ODR4: variants seen among roughly 807,000 people sequenced by gnomAD.
ODR4 encodes the protein odr-4 GPCR localization factor homolog.
A neutral mutation model predicts 60.2 loss-of-function variants in ODR4; 47 were observed. The ratio of observed to expected loss-of-function variants is 0.78; its 90% CI spans 0.62 to 1.00. The LOEUF (loss-of-function observed/expected upper bound fraction) is 1.00. ODR4 is among the 50% of genes least tolerant of loss of function. The pLI, the probability that ODR4 is intolerant of heterozygous loss-of-function variation, is 0.00. For missense variants in ODR4, 488 were observed against 530.8 expected (o/e 0.92, Z 0.79); for synonymous variants, 178 against 175.5 (o/e 1.01, Z -0.11).
intron 3 of ODR4, among the ~76,000 whole-genome samples, chr1:186,383,416 A>G (rs147426935): frequency 5.0e-4 from 76 of 152,284 alleles, no homozygotes; most frequent in African/African-American, 1.7e-3. Context: ...CATCAAATAA[A>G]TAATGTTAGA....
chr1:186,407,732 G>A (rs1039849221), intron 12 of ODR4, among the ~76,000 whole-genome samples: 5 of 152,050 alleles, frequency 3.3e-5, no homozygotes, highest in African/African-American at 1.2e-4. Context: ...ACATTTCAAA[G>A]CCATATATTC....
rs552599095 is a variant in ODR4 at position 186,401,279 on chromosome 1, C to G, written c.1000+2235C>G. ...ATACATTTAGAAGTTAATGTTAAAG[C>G]CTAATCCTAAATTTTTAAAAGGTGA... On this transcript the variant is annotated intron_variant, in intron 11 of 13. Coordinates refer to ENST00000287859, the MANE Select transcript of ODR4 (RefSeq NM_017847.6). 14 of 1,154,072 alleles carry G rather than the reference C, an allele frequency of 1.2e-5. No individual in the cohort carries two copies. In the Admixed American group the frequency reaches 2.9e-4, roughly 24 times the overall value. The allele number at this position is 1,154,072 out of a possible 1,614,324, so 71.5% of individuals were successfully genotyped here.
chr1:186,416,759 G>A (rs1414996940), intron 12 of ODR4, among the ~76,000 whole-genome samples: 1 of 150,446 alleles, frequency 6.6e-6, no homozygotes, highest in East Asian at 2.0e-4. Context: ...AGGAGGTTGA[G>A]GCAGGAGAAT....
the ODR4 span, among the ~76,000 whole-genome samples, chr1:186,429,695 G>A: frequency 6.6e-6 from 1 of 151,046 alleles, no homozygotes; most frequent in Non-Finnish European, 1.5e-5. Context: ...CACCAACATA[G>A]CTAGGAATAA....
chr1:186,404,124 T>C (rs1311355894), intron 11 of ODR4, among the ~76,000 whole-genome samples: 1 of 152,200 alleles, frequency 6.6e-6, no homozygotes, highest in Non-Finnish European at 1.5e-5. Context: ...TCTTATTATA[T>C]TGGCTTAATT....
At chr1:186,389,373 A>G (rs1343025446) in intron 5 of ODR4, among the ~76,000 whole-genome samples, 1 of 152,188 alleles carries the variant, frequency 6.6e-6, no homozygotes, top group Non-Finnish European at 1.5e-5. Flanking sequence ...CAAGCACCGC[A>G]AGTACTATAG....
At position 186,420,867 on chromosome 1, in the gene ODR4, A is replaced by G. The variant is rs1661748297; in HGVS notation, c.*1791A>G. On this transcript the variant is annotated 3_prime_UTR_variant, in exon 14 of 14. Coordinates refer to ENST00000287859, the MANE Select transcript of ODR4 (RefSeq NM_017847.6). ...TAACACAATTTTACAAATTTGTTGGAAAAACATGAATTCATAAATTCAGGA... is the reference window on the plus strand; with the variant it reads ...TAACACAATTTTACAAATTTGTTGGGAAAACATGAATTCATAAATTCAGGA... 1 of 152,202 alleles carries G rather than the reference A, an allele frequency of 6.6e-6. No homozygotes were observed. Among genetic ancestry groups the G allele is most frequent in the African/African-American group, 2.4e-5 (1 of 41,450 alleles). 9.4% of individuals were successfully genotyped at this position (152,202 alleles called of 1,614,324 possible).
intron 2 of ODR4, among the ~76,000 whole-genome samples, chr1:186,381,460 T>C (rs1660023320): frequency 6.6e-6 from 1 of 152,102 alleles, no homozygotes; most frequent in Non-Finnish European, 1.5e-5. Context: ...CCCGAGTAGC[T>C]GGGACTACAG....
chr1:186,433,136 T>C, the ODR4 span, among the ~76,000 whole-genome samples: 70 of 152,284 alleles, frequency 4.6e-4, no homozygotes, highest in African/African-American at 1.6e-3. Context: ...GAATTCTATC[T>C]ATAAAATTTA....
chr1:186,400,769 A>C, intron 11 of ODR4: 1 of 306,354 alleles, frequency 3.3e-6, no homozygotes, highest in South Asian at 3.7e-5. Flanking sequence ...TCCTTCTCGT[A>C]ATTCACAACC....
At chr1:186,423,174 G>A (rs960467718), downstream of ODR4, among the ~76,000 whole-genome samples, 1 of 151,934 alleles carries the variant, frequency 6.6e-6, no homozygotes, top group Non-Finnish European at 1.5e-5. Flanking sequence ...TTTCAAGGGG[G>A]GTAAAATTCT....
At chr1:186,392,782 C>A (rs1050226819) in intron 8 of ODR4, among the ~76,000 whole-genome samples, 1 of 152,126 alleles carries the variant, frequency 6.6e-6, no homozygotes, top group African/African-American at 2.4e-5. Context: ...GTGGGCAGAT[C>A]ACTTGAGGTC....
intron 1 of ODR4, among the ~76,000 whole-genome samples, chr1:186,379,538 A>C (rs1160990556): frequency 6.6e-6 from 1 of 151,440 alleles, no homozygotes; most frequent in Non-Finnish European, 1.5e-5. Context: ...TTGATCTCTC[A>C]TGTCAACTCT....
chr1:186,434,925 G>A, the ODR4 span, among the ~76,000 whole-genome samples: 6 of 152,154 alleles, frequency 3.9e-5, no homozygotes, highest in Non-Finnish European at 8.8e-5. Context: ...TTTTGATATA[G>A]CATGTTTAAT....
chr1:186,381,112 G>A lies in ODR4; in HGVS notation c.99+1228G>A, dbSNP rs1571658075. 6.6e-5 allele frequency among the ~76,000 whole-genome samples: 10 copies of A among 152,256 alleles called. 1 individual carries two copies. In the South Asian group the frequency reaches 2.1e-3, roughly 32 times the overall value. ...CTTTTTAATTCAGTTGTAATGTGGG[G>A]CTCTTTTTGTTAGGAGTTTTCTATT... On this transcript the variant is annotated intron_variant, in intron 2 of 13. Coordinates refer to ENST00000287859, the MANE Select transcript of ODR4 (RefSeq NM_017847.6).
At chr1:186,415,772 A>C (rs1036064884) in intron 12 of ODR4, among the ~76,000 whole-genome samples, 1 of 152,246 alleles carries the variant, frequency 6.6e-6, no homozygotes, top group Non-Finnish European at 1.5e-5. Context: ...TTCATTCAGC[A>C]TTAAATAAAT....
intron 11 of ODR4, among the ~76,000 whole-genome samples, chr1:186,402,187 A>ATTCTTTCTTTCTCT: frequency 7.4e-6 from 1 of 135,528 alleles, no homozygotes; most frequent in African/African-American, 2.8e-5. Context: ...TAGGCATCCT[A>ATTCTTTCTTTCTCT]TTCTTTCTTT....
At chr1:186,396,720 TATAGATAGATAGATAG>T (rs71104855) in intron 9 of ODR4, among the ~76,000 whole-genome samples, 4 of 144,782 alleles carry the variant, frequency 2.8e-5, no homozygotes, top group East Asian at 2.0e-4. Context: ...ATGCCATAAT[TATAGATAGATAGATAG>T]ATAGATAGAT....
intron 12 of ODR4, among the ~76,000 whole-genome samples, chr1:186,414,634 G>A (rs967092642): frequency 1.5e-4 from 23 of 151,002 alleles, no homozygotes; most frequent in Middle Eastern, 3.4e-3. Flanking sequence ...ATTCTCCTGC[G>A]TCAGCCTCCT....
Sources: gnomAD v4.1 joint callset for allele counts (sites outside exome capture counted in the v4.1 genomes callset) on GRCh38, gnomAD v4.1.1 for gene constraint, MANE v1.5 for transcripts, NCBI Gene and HGNC (gene_info 2026-07-23, HGNC 2026-07-21) for gene names.